RELA: variants seen among roughly 807,000 people sequenced by gnomAD.
RELA encodes RELA proto-oncogene, NF-kB subunit.
A neutral mutation model predicts 56.7 loss-of-function variants in RELA; 14 were observed. The observed-to-expected ratio is 0.25, with a 90% CI of 0.16 to 0.39. The LOEUF is 0.39. Among genes scored for constraint, RELA ranks in the 10% least tolerant of loss-of-function variants. The pLI is 1.00. For synonymous variants in RELA, 315 were observed against 289.7 expected, an observed-to-expected ratio of 1.09 and a Z score of -0.89; for missense variants, 559 against 736.4, an observed-to-expected ratio of 0.76 and a Z score of 2.79.
chr11:65,661,515 A>T (rs1454843137), intron 4 of RELA, 172 bp downstream of exon 4: 5 of 581,798 alleles, frequency 8.6e-6, no homozygotes. Context: ...CTGCTAGAGT[A>T]AACGTACAAA....
In RELA at chr11:65,655,955, A is replaced by G; in HGVS notation, c.878-20T>C. 1 of 1,610,748 alleles carries G rather than the reference A, an allele frequency of 6.2e-7. No individual in the cohort carries two copies. The highest frequency in any genetic ancestry group is 8.5e-7 in the Non-Finnish European group (1 of 1,177,230). On this transcript the variant is annotated intron_variant, in intron 8 of 10. Transcript: ENST00000406246. ...GATCGTCTGGGAAAGTAAGGGGGAG[A>G]AGTGGGACTTGCTCTCCTCAGGTGG...
Position 65,654,035 on chromosome 11 carries a change from G to C in RELA, c.*343C>G. 2.7e-6 allele frequency: 1 copy of C among 373,778 alleles called. No individual in the cohort carries two copies. The highest frequency in any genetic ancestry group is 5.0e-6 in the Non-Finnish European group (1 of 198,806). 23.2% of individuals were successfully genotyped at this position (373,778 alleles called of 1,614,324 possible). A position where few individuals can be genotyped will look rare whatever the true frequency, so the allele number is the denominator to read the frequency against. ...TGTGGGCTCAAAGGCCTTACCTCCAGCCTGCTTCTGTCTCTAGGAGAGTAC... is the reference window on the plus strand; with the variant it reads ...TGTGGGCTCAAAGGCCTTACCTCCACCCTGCTTCTGTCTCTAGGAGAGTAC... On this transcript the variant is annotated 3_prime_UTR_variant, in exon 11 of 11. Transcript: ENST00000406246.
intron 6 of RELA, among the ~76,000 whole-genome samples, 197 bp downstream of exon 6, chr11:65,659,469 G>A (rs1028195286): frequency 6.6e-6 from 1 of 152,174 alleles, no homozygotes; most frequent in African/African-American, 2.4e-5. Context: ...CCAGGCCAGA[G>A]CTACACCTCA....
rs1294330257 is a variant in RELA, at chr11:65,656,894, G to A, written c.878-959C>T. On this transcript the variant is annotated intron_variant, in intron 8 of 10. Transcript: ENST00000406246. ...CAAAAAATTAGCCGGATGTGGTGGC[G>A]GGCGCCTGTAGTCCCAGCTACTCGG... Among the ~76,000 whole-genome samples, 7 of 152,184 alleles carry A rather than the reference G, an allele frequency of 4.6e-5. 1 individual carries two copies. Among genetic ancestry groups the A allele is most frequent in the South Asian group, 2.1e-4 (1 of 4,808 alleles).
upstream of RELA, chr11:65,663,156 C>T (rs77504434): frequency 9.0e-3 from 1,845 of 204,736 alleles, 30 homozygotes; most frequent in African/African-American, 0.04. Context: ...AGGGTGGGTC[C>T]GCCGATTACT....
intron 8 of RELA, among the ~76,000 whole-genome samples, chr11:65,657,793 A>C (rs1384055772): frequency 1.3e-5 from 2 of 152,124 alleles, no homozygotes; most frequent in African/African-American, 4.8e-5. Flanking sequence ...AGTGACTGAG[A>C]CTCTGAAGGG....
chr11:65,654,269 CCA>C lies in RELA; in HGVS notation c.*107_*108del, dbSNP rs1431810219. 7.3e-7 allele frequency: 1 copy of C among 1,377,082 alleles called. No individual in the cohort carries two copies. The highest frequency in any genetic ancestry group is 1.4e-5 in the African/African-American group (1 of 69,816). The allele number at this position is 1,377,082 out of a possible 1,614,324, so 85.3% of individuals were successfully genotyped here. A position where few individuals can be genotyped will look rare whatever the true frequency, so the allele number is the denominator to read the frequency against. On this transcript the variant is annotated 3_prime_UTR_variant, in exon 11 of 11. Transcript: ENST00000406246. The stretch of plus-strand genomic sequence containing the variant: ...TGGCTCCCCCCTCCAAGGAAGACAT[CCA>C]CAAAGTTGGGGGCAGTTGGAACACA...
At chr11:65,655,654 CT>C in intron 10 of RELA, 33 bp downstream of exon 10, 2 of 1,602,904 alleles carry the variant, frequency 1.2e-6, no homozygotes, top group Non-Finnish European at 1.7e-6. Flanking sequence ...AGAGCTGAAC[CT>C]GTCGTTCCAG....
chr11:65,655,665 G>C (rs774461476), intron 10 of RELA, 23 bp downstream of exon 10: 5 of 1,611,410 alleles, frequency 3.1e-6, no homozygotes, highest in South Asian at 1.1e-5. Context: ...TGTCGTTCCA[G>C]TGGGACAAAA....
upstream of RELA, chr11:65,662,987 C>A: frequency 4.3e-6 from 2 of 469,116 alleles, no homozygotes; most frequent in Non-Finnish European, 6.2e-6. Context: ...CGCCGCCGCC[C>A]GGCGCAGGGG....
At chr11:65,661,566 A>G (rs1035183677) in intron 4 of RELA, 121 bp downstream of exon 4, 5 of 875,018 alleles carry the variant, frequency 5.7e-6, no homozygotes, top group Admixed American at 4.8e-5. Context: ...TGCAGAGCTG[A>G]GTCAGGGCAA....
At chr11:65,656,291 T>G (rs1042850350) in intron 8 of RELA, among the ~76,000 whole-genome samples, 2 of 152,196 alleles carry the variant, frequency 1.3e-5, no homozygotes, top group African/African-American at 4.8e-5. Context: ...GAGAATTTCT[T>G]GGCACTCTGG....
At chr11:65,655,118 G>A (rs1442895704) in intron 10 of RELA, 118 bp from the exon 11 acceptor site, 1 of 802,356 alleles carries the variant, frequency 1.2e-6, no homozygotes, top group Non-Finnish European at 2.1e-6. Flanking sequence ...GGGAGTCACT[G>A]CCAACACCCT....
chr11:65,654,500 C>G lies in RELA; in HGVS notation c.1534G>C (p.Asp512His). The stretch of plus-strand genomic sequence containing the variant: ...GCCCCCAGTGGAGCAGGAGCTGGGT[C>G]GGGGGGCCTCTGGGCCCCTGTCACT... ...RLVTGAQRPP[D>H]PAPAPLGAPG... Residue 512 changes from aspartate (D) to histidine (H), a missense_variant, in exon 11 of 11, where the codon GAC becomes CAC. By Grantham distance (81) the Asp-to-His change is moderately conservative. Coordinates refer to ENST00000406246, the MANE Select transcript of RELA (RefSeq NM_021975.4). The G allele has an allele frequency of 6.2e-7, 1 of 1,601,020 alleles. No individual in the cohort carries two copies. The highest frequency in any genetic ancestry group is 1.1e-5 in the South Asian group (1 of 88,806).
chr11:65,655,312 A>G, intron 10 of RELA: 1 of 567,260 alleles, frequency 1.8e-6, no homozygotes, highest in Non-Finnish European at 3.1e-6. Context: ...CCTGAGAGGC[A>G]ATGAGCCCAT....
At chr11:65,656,821 G>A (rs1856441810) in intron 8 of RELA, among the ~76,000 whole-genome samples, 2 of 152,102 alleles carry the variant, frequency 1.3e-5, no homozygotes, top group South Asian at 4.1e-4. Context: ...TCAAGAGATC[G>A]AGACCACCCT....
At chr11:65,662,435 T>G in intron 1 of RELA, 1 of 532,786 alleles carries the variant, frequency 1.9e-6, no homozygotes, top group Non-Finnish European at 3.2e-6. Context: ...GGAAGCTGAA[T>G]CAGGGCCTGT....
At position 65,660,234 on chromosome 11, in the gene RELA, C is replaced by CT; in HGVS notation, c.336-20dup. On this transcript the variant is annotated intron_variant, in intron 4 of 10. Coordinates refer to ENST00000406246, the MANE Select transcript of RELA (RefSeq NM_021975.4). ...CTGGAAACTGAGCGCCCCCAGTCGT[C>CT]TGTCCCACTGTCTCTCACAGAGCCC... 6.2e-7 allele frequency: 1 copy of CT among 1,612,000 alleles called. No homozygotes were observed. The highest frequency in any genetic ancestry group is 1.1e-5 in the South Asian group (1 of 91,030).
chr11:65,658,752 A>T lies in RELA; in HGVS notation c.630T>A (p.Asp210Glu). 6.2e-7 allele frequency: 1 copy of T among 1,611,118 alleles called. No individual in the cohort carries two copies. Among genetic ancestry groups the T allele is most frequent in the Non-Finnish European group, 8.5e-7 (1 of 1,177,402 alleles). ...CCTTGTCACACAGTAGGAAGATCTC[A>T]TCCCCACCGAGGCAGCTGCCAGAGT... ...NRNSGSCLGG[D>E]EIFLLCDKVQ... The change falls in exon 7 of 11, where the codon GAT (aspartate) becomes GAA (glutamate). Residue 210 changes from aspartate (D) to glutamate (E), a missense_variant. Transcript: ENST00000406246. This position sits in a 1 kb window ranked among gnomAD's most constrained non-coding sequence, Gnocchi z 4.5.
Sources: allele counts gnomAD v4.1 joint callset (sites outside exome capture counted in the v4.1 genomes callset), GRCh38; gene constraint gnomAD v4.1.1; non-coding constraint Gnocchi (gnomAD v3.1); transcripts MANE v1.5; gene names NCBI Gene and HGNC (gene_info 2026-07-23, HGNC 2026-07-21).